Variants in SH3D19 observed in about 807,000 individuals in gnomAD.
SH3D19 encodes SH3 domain containing 19.
A neutral mutation model predicts 112.1 loss-of-function variants in SH3D19; 58 were observed. The observed-to-expected ratio is 0.52, with a 90% CI of 0.42 to 0.64. SH3D19 has a LOEUF of 0.64. Ranked by LOEUF, SH3D19 falls within the 30% of genes least tolerant of loss-of-function variation. The pLI, the probability that SH3D19 is intolerant of heterozygous loss-of-function variation, is 0.00. For synonymous variants in SH3D19, 391 were observed against 448.5 expected, an observed-to-expected ratio of 0.87 and a Z score of 1.62; for missense variants, 1,090 against 1,263.4, an observed-to-expected ratio of 0.86 and a Z score of 2.08.
intron 1 of SH3D19, among the ~76,000 whole-genome samples, chr4:151,254,862 C>T (rs1037957263): frequency 4.0e-5 from 6 of 151,856 alleles, no homozygotes; most frequent in African/African-American, 9.7e-5. Flanking sequence ...GGGTGGTGGC[C>T]GGGCAGAGGG....
chr4:151,171,216 T>C (rs2149818163), intron 7 of SH3D19, among the ~76,000 whole-genome samples: 1 of 152,214 alleles, frequency 6.6e-6, no homozygotes, highest in South Asian at 2.1e-4. Flanking sequence ...TTTTCTTTTT[T>C]TTTTTTTCCT....
At chr4:151,307,020 T>TC (rs1383456293) in intron 1 of SH3D19, among the ~76,000 whole-genome samples, 11 of 126,966 alleles carry the variant, frequency 8.7e-5, no homozygotes, top group Middle Eastern at 3.7e-3. Context: ...ATGACTTCTT[T>TC]TTTTTTTTTT....
chr4:151,286,237 A>G (rs1433792204), intron 1 of SH3D19, among the ~76,000 whole-genome samples: 1 of 150,968 alleles, frequency 6.6e-6, no homozygotes, highest in African/African-American at 2.4e-5. Flanking sequence ...AAAGAAGGAA[A>G]TAAGGGATAT....
At chr4:151,237,499 G>A (rs1410127407) in intron 1 of SH3D19, among the ~76,000 whole-genome samples, 1 of 150,750 alleles carries the variant, frequency 6.6e-6, no homozygotes, top group African/African-American at 2.4e-5. Context: ...CTAGGTAGAT[G>A]TTAAAAGCAG....
At chr4:151,130,084 T>A (rs1329917259) in intron 17 of SH3D19, among the ~76,000 whole-genome samples, 3 of 152,186 alleles carry the variant, frequency 2.0e-5, no homozygotes, top group Non-Finnish European at 2.9e-5. Context: ...ACAGGCCAAT[T>A]ACAAGTGACA....
Position 151,175,677 on chromosome 4 carries a change from G to C in SH3D19, c.530-3C>G. 4 of 1,248,278 alleles carry C rather than the reference G, an allele frequency of 3.2e-6. No homozygotes were observed. The highest frequency in any genetic ancestry group is 7.7e-5 in the South Asian group (2 of 26,046). The allele number at this position is 1,248,278 out of a possible 1,614,324, so 77.3% of individuals were successfully genotyped here. On this transcript the variant is annotated splice_region_variant and splice_polypyrimidine_tract_variant and intron_variant, in intron 6 of 19. Coordinates refer to ENST00000604030, the MANE Select transcript of SH3D19 (RefSeq NM_001378122.1). ...AGGCTTGAGAGGTGCCTGTAGTGCT[G>C]ACGAGACCAAAACAAAACCAAAACA...
intron 3 of SH3D19, among the ~76,000 whole-genome samples, chr4:151,186,680 C>T (rs984586127): frequency 4.6e-5 from 7 of 152,066 alleles, no homozygotes; most frequent in Non-Finnish European, 1.0e-4. Flanking sequence ...GGTGATCCAC[C>T]TGCCTCAGCC....
At chr4:151,278,806 T>C (rs1235205223) in intron 1 of SH3D19, among the ~76,000 whole-genome samples, 1 of 152,194 alleles carries the variant, frequency 6.6e-6, no homozygotes, top group Non-Finnish European at 1.5e-5. Flanking sequence ...AATTTCTTTA[T>C]ATTTTTTGTA....
intron 1 of SH3D19, among the ~76,000 whole-genome samples, chr4:151,269,841 A>C (rs1433059331): frequency 6.6e-6 from 1 of 151,802 alleles, no homozygotes; most frequent in East Asian, 1.9e-4. Context: ...TTTCTTTAAA[A>C]AAAAACAAAA....
Position 151,276,333 on chromosome 4 carries a change from C to A in SH3D19, c.112+48908G>T, listed in dbSNP as rs190294406. 3.1e-4 allele frequency among the ~76,000 whole-genome samples: 47 copies of A among 152,216 alleles called. No individual in the cohort carries two copies. In the Middle Eastern group the frequency reaches 0.014, roughly 44 times the overall value. On this transcript the variant is annotated intron_variant, in intron 1 of 19. Coordinates refer to ENST00000604030, the MANE Select transcript of SH3D19 (RefSeq NM_001378122.1). ...GATGTTGTGGTGTACCATCCAGACC[C>A]CCCTTTAGAACTGAAGCATTCATTC...
chr4:151,279,516 A>C (rs1338934805), intron 1 of SH3D19, among the ~76,000 whole-genome samples: 1 of 152,222 alleles, frequency 6.6e-6, no homozygotes, highest in Non-Finnish European at 1.5e-5. Flanking sequence ...TGTTCAGTGA[A>C]TCTAGATATT....
chr4:151,157,188 G>T (rs1443000882), intron 9 of SH3D19, among the ~76,000 whole-genome samples: 2 of 151,752 alleles, frequency 1.3e-5, no homozygotes, highest in Admixed American at 6.6e-5. Context: ...GGAGGTCAAG[G>T]CTGCAGTGAG....
intron 1 of SH3D19, among the ~76,000 whole-genome samples, chr4:151,229,466 G>A (rs2149954677): frequency 6.6e-6 from 1 of 151,900 alleles, no homozygotes; most frequent in East Asian, 1.9e-4. Flanking sequence ...CCATGGCTGG[G>A]TAACCATGTA....
rs1749715968 is a variant in SH3D19 at position 151,127,719 on chromosome 4, T to A, written c.2930-4A>T. 2 of 1,562,950 alleles carry A rather than the reference T, an allele frequency of 1.3e-6. No homozygotes were observed. Among genetic ancestry groups the A allele is most frequent in the East Asian group, 4.6e-5 (2 of 43,882 alleles). ...GCCAACATACTTTTTGCCTCAGCTG[T>A]GAAGACATAAAAAATTTAAATATAT... On this transcript the variant is annotated splice_region_variant and splice_polypyrimidine_tract_variant and intron_variant, in intron 18 of 19. Coordinates refer to ENST00000604030, the MANE Select transcript of SH3D19 (RefSeq NM_001378122.1).
At chr4:151,126,996 A>G (rs12501103) in intron 19 of SH3D19, among the ~76,000 whole-genome samples, 125,223 of 149,998 alleles carry the variant, frequency 0.83, 52,789 homozygotes, top group East Asian at 0.92. Context: ...TGCAAGCTCC[A>G]CCTCCCGGGT....
chr4:151,273,176 T>C (rs949894056), intron 1 of SH3D19, among the ~76,000 whole-genome samples: 2 of 152,090 alleles, frequency 1.3e-5, no homozygotes, highest in Non-Finnish European at 2.9e-5. Context: ...ATTTAACAGA[T>C]ACCAAAACTG....
At chr4:151,172,014 C>T (rs1024029727) in intron 7 of SH3D19, among the ~76,000 whole-genome samples, 4 of 152,034 alleles carry the variant, frequency 2.6e-5, no homozygotes, top group African/African-American at 7.3e-5. Context: ...ATCTCTATTT[C>T]CTGAGATTAA....
At chr4:151,286,088 G>A (rs529402376) in intron 1 of SH3D19, among the ~76,000 whole-genome samples, 16 of 149,718 alleles carry the variant, frequency 1.1e-4, no homozygotes, top group Middle Eastern at 6.9e-3. Flanking sequence ...CAGCTACTTG[G>A]GAGGATTGCT....
chr4:151,262,791 T>A (rs546403992), intron 1 of SH3D19: 55 of 152,150 alleles, frequency 3.6e-4, no homozygotes, highest in African/African-American at 1.3e-3. Flanking sequence ...GGGATCAAAC[T>A]GCATCCAAAC....
Sources: gnomAD v4.1 joint callset for allele counts (sites outside exome capture counted in the v4.1 genomes callset) on GRCh38, gnomAD v4.1.1 for gene constraint, MANE v1.5 for transcripts, NCBI Gene and HGNC (gene_info 2026-07-23, HGNC 2026-07-21) for gene names.